Variants in PDZD7 observed in about 807,000 individuals in gnomAD.
PDZD7 encodes the protein PDZ domain-containing protein 7.
Under a neutral mutation model 84.7 loss-of-function variants are expected in PDZD7, and 72 were observed. The ratio of observed to expected loss-of-function variants is 0.85; its 90% CI spans 0.70 to 1.03. The LOEUF (loss-of-function observed/expected upper bound fraction) is 1.03. Among genes scored for constraint, PDZD7 ranks in the 50% least tolerant of loss-of-function variants. The probability of loss-of-function intolerance (pLI) is 0.00; values close to 1 mark genes in which losing one functional copy is unlikely to be tolerated. For missense variants in PDZD7, 1,490 were observed against 1,412.9 expected (o/e 1.05, Z -0.87); for synonymous variants, 594 against 580.7 (o/e 1.02, Z -0.33).
intron 16 of PDZD7, 78 bp downstream of exon 16, chr10:101,009,172 G>A (rs1046375050): frequency 2.3e-6 from 3 of 1,301,112 alleles, no homozygotes; most frequent in Non-Finnish European, 2.1e-6. Flanking sequence ...CTGGCTGGAA[G>A]CTGAGCATGG....
At chr10:101,017,891 G>GAAAGA (rs1564632647) in intron 9 of PDZD7, 8 of 151,730 alleles carry the variant, frequency 5.3e-5, no homozygotes, top group African/African-American at 2.5e-4. Flanking sequence ...AAGAAAGAAA[G>GAAAGA]AAAAGAAAGA....
At chr10:101,022,518 G>T in intron 4 of PDZD7, 133 bp from the exon 5 acceptor site, 1 of 970,184 alleles carries the variant, frequency 1.0e-6, no homozygotes, top group Non-Finnish European at 1.6e-6. Flanking sequence ...GACCTGCAGT[G>T]GGGCATAGGT....
rs113570783 is a variant in PDZD7, at chr10:101,010,532, C to T, written c.2357G>A (p.Arg786Gln). 299 of 1,516,090 alleles carry T rather than the reference C, an allele frequency of 2.0e-4. 2 individuals carry two copies. In the African/African-American group the frequency reaches 3.1e-3, roughly 16 times the overall value. 93.9% of individuals were successfully genotyped at this position (1,516,090 alleles called of 1,614,324 possible). A position where few individuals can be genotyped will look rare whatever the true frequency, so the allele number is the denominator to read the frequency against. The change falls in exon 15 of 17, where the codon CGG becomes CAG. Residue 786 changes from arginine to glutamine, a missense_variant. Coordinates refer to ENST00000619208, the MANE Select transcript of PDZD7 (RefSeq NM_001195263.2). ...TCTACCTGGAGACTTGCCTTGACCC[C>T]GGCTGCTGCGGCTGCGGCTGCGGCT... ...SRSRSRSRSS[R>Q]GQGKSPGRRS...
intron 11 of PDZD7, among the ~76,000 whole-genome samples, chr10:101,013,986 A>T (rs927337272): frequency 6.7e-6 from 1 of 149,660 alleles, no homozygotes. Context: ...AGTAGCTGGG[A>T]TTACAGGCGC....
intron 11 of PDZD7, among the ~76,000 whole-genome samples, chr10:101,013,775 T>C (rs2134012058): frequency 6.6e-6 from 1 of 151,904 alleles, no homozygotes; most frequent in African/African-American, 2.4e-5. Flanking sequence ...AGACAATGGG[T>C]CACCTCTGCC....
At chr10:101,020,960 C>T (rs1853059287) in intron 6 of PDZD7, among the ~76,000 whole-genome samples, 1 of 152,198 alleles carries the variant, frequency 6.6e-6, no homozygotes, top group Admixed American at 6.5e-5. Flanking sequence ...GCATTTGTCA[C>T]TATCTGCAAG....
At position 101,018,148 on chromosome 10, in the gene PDZD7, C is replaced by T. The variant is rs1441913340; in HGVS notation, c.1473G>A (p.Leu491=). 3.7e-6 allele frequency: 6 copies of T among 1,614,218 alleles called. No homozygotes were observed. The highest frequency in any genetic ancestry group is 1.7e-5 in the Admixed American group (1 of 60,028). The change falls in exon 9 of 17, where the codon CTG becomes CTA. Residue 491 remains leucine, a synonymous_variant. Transcript: ENST00000619208. Reference sequence around the variant, plus strand: ...AAGTTTTGGCCAGGCTCCCGCTGTCCAGTGTCCAGGCCTCTCTGCGCCCGT... The same window carrying T: ...AAGTTTTGGCCAGGCTCCCGCTGTCTAGTGTCCAGGCCTCTCTGCGCCCGT... The part of the protein sequence containing the change: ...ARDGRREAWT[L]DSGSLAKTYP...
At chr10:101,029,908 C>T in intron 2 of PDZD7, 86 bp downstream of exon 2, 2 of 1,386,718 alleles carry the variant, frequency 1.4e-6, no homozygotes, top group Non-Finnish European at 2.0e-6. Context: ...CCCAATCATA[C>T]TGGCTCTGCC....
Position 101,010,508 on chromosome 10 carries a change from C to CT in PDZD7, c.2380dup (p.Arg794LysfsTer52). 2 of 1,533,868 alleles carry CT rather than the reference C, an allele frequency of 1.3e-6. No homozygotes were observed. The highest frequency in any genetic ancestry group is 1.7e-6 in the Non-Finnish European group (2 of 1,145,222). On this transcript the variant is annotated frameshift_variant, in exon 15 of 17. Transcript: ENST00000619208. LOFTEE classifies it high-confidence loss of function. The stretch of plus-strand genomic sequence containing the variant: ...GGTAGGCACCGGGGATGGGGAGCGT[C>CT]TACCTGGAGACTTGCCTTGACCCCG...
chr10:101,018,639 T>C (rs1375025685), intron 8 of PDZD7, among the ~76,000 whole-genome samples, 183 bp downstream of exon 8: 1 of 152,094 alleles, frequency 6.6e-6, no homozygotes, highest in African/African-American at 2.4e-5. Flanking sequence ...TAAGGGTGAA[T>C]GTGGGGTCCA....
intron 12 of PDZD7, 43 bp downstream of exon 12, chr10:101,012,124 A>T: frequency 1.3e-6 from 2 of 1,542,320 alleles, no homozygotes; most frequent in Non-Finnish European, 1.8e-6. Context: ...GGTACCAGGG[A>T]TCCCCTTCCT....
At chr10:101,012,145 C>A (rs568970967) in intron 12 of PDZD7, 22 bp downstream of exon 12, 30 of 1,548,736 alleles carry the variant, frequency 1.9e-5, no homozygotes, top group South Asian at 4.8e-5. Context: ...GCCCCCAAGC[C>A]CTCTCTGCAA....
chr10:101,020,269 A>C (rs532577846), intron 7 of PDZD7, among the ~76,000 whole-genome samples: 1 of 151,896 alleles, frequency 6.6e-6, no homozygotes, highest in Non-Finnish European at 1.5e-5. Context: ...CACCACGCCC[A>C]GCTACTTTGT....
rs575081136 is a variant in PDZD7, at chr10:101,022,087, C to A, written c.719+122G>T. The A allele has an allele frequency of 4.2e-5, 65 of 1,562,748 alleles. No homozygotes were observed. The African/African-American group carries it at 6.0e-4, about 14-fold the overall frequency. Reference sequence around the variant, plus strand: ...TGGGGCCTCCCGCCCCCTCCCAGGCCCTCACTGAGACAGGTGGTTGGCCAG... The same window carrying A: ...TGGGGCCTCCCGCCCCCTCCCAGGCACTCACTGAGACAGGTGGTTGGCCAG... On this transcript the variant is annotated intron_variant, in intron 5 of 16. Coordinates refer to ENST00000619208, the MANE Select transcript of PDZD7 (RefSeq NM_001195263.2).
At chr10:101,028,445 A>G (rs1412333461) in intron 2 of PDZD7, among the ~76,000 whole-genome samples, 2 of 152,068 alleles carry the variant, frequency 1.3e-5, no homozygotes, top group African/African-American at 4.8e-5. Context: ...ATAAAATAAA[A>G]TTAGCTGGGC....
rs1852679972 is a variant in PDZD7 at position 101,017,427 on chromosome 10, A to G, written c.1522+672T>C. The G allele has an allele frequency of 1.1e-5, 5 of 466,700 alleles. No homozygotes were observed. The South Asian group carries it at 1.7e-4, about 16-fold the overall frequency. 28.9% of individuals were successfully genotyped at this position (466,700 alleles called of 1,614,324 possible). A position where few individuals can be genotyped will look rare whatever the true frequency, so the allele number is the denominator to read the frequency against. ...TTTTCTTTAGAGACAGGGTCTTGCT[A>G]TGTTGCCCAGGCTGGTCTTAAACTC... On this transcript the variant is annotated intron_variant, in intron 9 of 16. Transcript: ENST00000619208.
At chr10:101,019,846 G>A (rs1409274531) in intron 7 of PDZD7, among the ~76,000 whole-genome samples, 1 of 150,910 alleles carries the variant, frequency 6.6e-6, no homozygotes, top group Non-Finnish European at 1.5e-5. Flanking sequence ...GGCTGGTCTC[G>A]AGCACCTGAC....
chr10:101,022,464 G>T, intron 4 of PDZD7, 79 bp from the exon 5 acceptor site: 1 of 1,570,112 alleles, frequency 6.4e-7, no homozygotes, highest in South Asian at 1.1e-5. Context: ...TCTGACAACT[G>T]CAGGGAAAGT....
rs1852353868 is a variant in PDZD7, at chr10:101,010,434, TG to T, written c.2454del (p.Arg819AspfsTer35). On this transcript the variant is annotated frameshift_variant, in exon 15 of 17. Transcript: ENST00000619208. LOFTEE classifies it high-confidence loss of function. ...TNGRYHKPRK[A>X]RPPLPRPLDG... ...TCCAGAGGTCGTGGCAGAGGGGGTCTGGCCTTCCGAGGCTTGTGGTAGCGCC... is the reference window on the plus strand; with the variant it reads ...TCCAGAGGTCGTGGCAGAGGGGGTCTGCCTTCCGAGGCTTGTGGTAGCGCC... 1 of 1,536,108 alleles carries T rather than the reference TG, an allele frequency of 6.5e-7. No individual in the cohort carries two copies. The highest frequency in any genetic ancestry group is 8.7e-7 in the Non-Finnish European group (1 of 1,146,896).
Sources: gnomAD v4.1 joint callset for allele counts (sites outside exome capture counted in the v4.1 genomes callset) on GRCh38, gnomAD v4.1.1 for gene constraint, MANE v1.5 for transcripts, NCBI Gene and HGNC (gene_info 2026-07-23, HGNC 2026-07-21) for gene names.